The following MBIP variants were observed in gnomAD, a reference collection of about 807,000 sequenced individuals.
MBIP encodes the protein MAP3K12 binding inhibitory protein 1, also known as MAP3K12-binding inhibitory protein 1.
In MBIP, 32 loss-of-function variants were observed where a neutral mutation model predicts 45.7. That is an observed-to-expected ratio of 0.70 (90% CI 0.53 to 0.94). The LOEUF (loss-of-function observed/expected upper bound fraction) is 0.94, where lower values mean the gene tolerates loss of function less well. MBIP is among the 40% of genes least tolerant of loss of function. The pLI is 0.00. For missense variants in MBIP, 381 were observed against 405.5 expected (o/e 0.94, Z 0.52); for synonymous variants, 145 against 141.0 (o/e 1.03, Z -0.20).
intron 7 of MBIP, among the ~76,000 whole-genome samples, chr14:36,304,508 T>C (rs1213427881): frequency 6.6e-6 from 1 of 152,210 alleles, no homozygotes; most frequent in African/African-American, 2.4e-5. Context: ...TAATTTAAAA[T>C]CAGTAAGTCT....
At chr14:36,319,541 A>G (rs773324448) in intron 1 of MBIP, 1 of 431,536 alleles carries the variant, frequency 2.3e-6, no homozygotes, top group South Asian at 1.7e-5. Context: ...TTTAAAAATA[A>G]TTTTCACAAA....
Position 36,316,752 on chromosome 14 carries a change from A to T in MBIP, c.190T>A (p.Ser64Thr), listed in dbSNP as rs1333700977. ...TIDWNKLQSL[S>T]AFQPALLFSA... ...AAGAGCAATGCAGGCTGGAATGCCG[A>T]GAGGCTCTGGAGCTTGTTCCAATCG... The change falls in exon 2 of 9, where the codon TCG (serine) becomes ACG (threonine). Residue 64 changes from serine (S) to threonine (T), a missense_variant. By Grantham distance (58) the Ser-to-Thr change is moderately conservative (BLOSUM62 1). Coordinates refer to ENST00000416007, the MANE Select transcript of MBIP (RefSeq NM_016586.3). 11 of 1,613,154 alleles carry T rather than the reference A, an allele frequency of 6.8e-6. No homozygotes were observed. The highest frequency in any genetic ancestry group is 9.3e-6 in the Non-Finnish European group (11 of 1,179,346).
intron 7 of MBIP, among the ~76,000 whole-genome samples, chr14:36,304,572 A>G (rs1205888530): frequency 6.6e-6 from 1 of 152,178 alleles, no homozygotes; most frequent in African/African-American, 2.4e-5. Context: ...CCATGCCCTT[A>G]AACTTTTGAA....
At chr14:36,303,074 T>C (rs1356660716) in intron 7 of MBIP, among the ~76,000 whole-genome samples, 1 of 152,220 alleles carries the variant, frequency 6.6e-6, no homozygotes, top group Admixed American at 6.5e-5. Context: ...GATAGGCCAG[T>C]GTACACATTC....
chr14:36,305,450 A>G (rs773606749), intron 7 of MBIP: 3 of 151,956 alleles, frequency 2.0e-5, no homozygotes, highest in Non-Finnish European at 4.4e-5. Context: ...TTTTTTTAAC[A>G]TATTTGGAAA....
chr14:36,306,485 C>A (rs548408328), intron 7 of MBIP, among the ~76,000 whole-genome samples: 23 of 152,102 alleles, frequency 1.5e-4, no homozygotes, highest in African/African-American at 5.5e-4. Flanking sequence ...GTTGGTCAGG[C>A]TGGTCTTGAA....
chr14:36,310,692 T>A (rs1388374930), intron 6 of MBIP, among the ~76,000 whole-genome samples: 1 of 152,010 alleles, frequency 6.6e-6, no homozygotes, highest in East Asian at 1.9e-4. Context: ...GAATACCAGG[T>A]GCTATATAAG....
chr14:36,307,155 G>A (rs1277819176), intron 7 of MBIP, among the ~76,000 whole-genome samples: 3 of 152,072 alleles, frequency 2.0e-5, no homozygotes, highest in Non-Finnish European at 4.4e-5. Context: ...TGTCATTTAG[G>A]ACTTGCTGCT....
At chr14:36,300,644 G>T in intron 8 of MBIP, 141 bp downstream of exon 8, 1 of 557,632 alleles carries the variant, frequency 1.8e-6, no homozygotes. Context: ...AACTGTATTA[G>T]TTTATACTGC....
chr14:36,308,244 A>T (rs1879999192), intron 6 of MBIP, 55 bp from the exon 7 acceptor site: 2 of 863,206 alleles, frequency 2.3e-6, no homozygotes, highest in South Asian at 3.2e-5. Flanking sequence ...TTCTTTTCAC[A>T]ATTTTTATTC....
chr14:36,308,299 C>A, intron 6 of MBIP, 110 bp from the exon 7 acceptor site: 1 of 607,108 alleles, frequency 1.6e-6, no homozygotes, highest in Non-Finnish European at 2.9e-6. Context: ...ATGGAAAATA[C>A]TTAAGAAAAT....
Position 36,308,177 on chromosome 14 carries a change from G to A in MBIP, c.803C>T (p.Pro268Leu). 1 of 1,581,074 alleles carries A rather than the reference G, an allele frequency of 6.3e-7. No individual in the cohort carries two copies. Among genetic ancestry groups the A allele is most frequent in the Non-Finnish European group, 8.6e-7 (1 of 1,156,406 alleles). The change falls in exon 7 of 9, where the codon CCA (proline) becomes CTA (leucine). Residue 268 changes from proline to leucine, a missense_variant. Transcript: ENST00000416007. ...HLRLQTGGPV[P>L]RDIYQRIKKL... is the part of the protein sequence containing the mutation. The stretch of plus-strand genomic sequence containing the variant: ...TTTAATTCTCTGATAAATGTCTCTT[G>A]GCACTGGACCACCTAAATACATTAA...
chr14:36,309,077 T>A (rs558799397), intron 6 of MBIP, among the ~76,000 whole-genome samples: 11 of 152,306 alleles, frequency 7.2e-5, no homozygotes, highest in Non-Finnish European at 1.3e-4. Flanking sequence ...GCCACTTGAT[T>A]ACTTTTTTTC....
At chr14:36,316,169 G>T (rs1201958646) in intron 2 of MBIP, among the ~76,000 whole-genome samples, 2 of 152,092 alleles carry the variant, frequency 1.3e-5, no homozygotes, top group African/African-American at 2.4e-5. Context: ...TTAAGGAAAA[G>T]AAATGATAAA....
Position 36,320,533 on chromosome 14 carries a change from C to T in MBIP, c.56G>A (p.Arg19Gln). The change falls in exon 1 of 9, where the codon CGA becomes CAA. Residue 19 changes from arginine (R) to glutamine (Q), a missense_variant. By Grantham distance (43) the Arg-to-Gln change is conservative (BLOSUM62 1). Coordinates refer to ENST00000416007, the MANE Select transcript of MBIP (RefSeq NM_016586.3). ...RPSSGDRNLE[R>Q]RCRPNLSREV... ...TCGGGAGAGGTTGGGTCTGCATCTT[C>T]GCTCCAGGTTCCTGTCACCGCTGCT... is the stretch of plus-strand genomic sequence containing the variant. 1 of 1,613,810 alleles carries T rather than the reference C, an allele frequency of 6.2e-7. No individual in the cohort carries two copies. The highest frequency in any genetic ancestry group is 1.7e-5 in the Admixed American group (1 of 60,016).
rs79184116 is a variant in MBIP, at chr14:36,298,693, G to C, written c.*390C>G. On this transcript the variant is annotated 3_prime_UTR_variant, in exon 9 of 9. Transcript: ENST00000416007. ...TTGTTGAATGCTTATTATATGCAAAGTACTGATTTAAACTAATAAACTGGT... is the reference window on the plus strand; with the variant it reads ...TTGTTGAATGCTTATTATATGCAAACTACTGATTTAAACTAATAAACTGGT... The C allele has an allele frequency of 0.015, 2,370 of 157,956 alleles. 46 individuals are homozygous for C. The highest frequency in any genetic ancestry group is 0.052 in the African/African-American group (2,161 of 41,598). 9.8% of individuals were successfully genotyped at this position (157,956 alleles called of 1,614,324 possible).
chr14:36,316,275 C>A (rs942151642), intron 2 of MBIP, among the ~76,000 whole-genome samples: 1 of 152,126 alleles, frequency 6.6e-6, no homozygotes. Context: ...GCAATAGACA[C>A]TCCAGGATGT....
intron 1 of MBIP, among the ~76,000 whole-genome samples, chr14:36,319,423 T>C (rs1397518501): frequency 6.6e-6 from 1 of 152,212 alleles, no homozygotes; most frequent in Non-Finnish European, 1.5e-5. Context: ...AACTGCGTCA[T>C]TTCATAAAAC....
chr14:36,317,261 T>C (rs1880628144), intron 1 of MBIP, among the ~76,000 whole-genome samples: 1 of 152,204 alleles, frequency 6.6e-6, no homozygotes, highest in African/African-American at 2.4e-5. Flanking sequence ...TTTAAGTATG[T>C]ACACAAATAC....
Sources: gnomAD v4.1 joint callset for allele counts (sites outside exome capture counted in the v4.1 genomes callset) on GRCh38, gnomAD v4.1.1 for gene constraint, MANE v1.5 for transcripts, NCBI Gene and HGNC (gene_info 2026-07-23, HGNC 2026-07-21) for gene names.